PDE4A: variants seen among roughly 807,000 people sequenced by gnomAD.
PDE4A encodes 3',5'-cyclic-AMP phosphodiesterase 4A.
Under a neutral mutation model 73.9 loss-of-function variants are expected in PDE4A, and 21 were observed. The ratio of observed to expected loss-of-function variants is 0.28; its 90% CI spans 0.20 to 0.41. The LOEUF is 0.41. Ranked by LOEUF, PDE4A falls within the 10% of genes least tolerant of loss-of-function variation. The pLI, the probability that PDE4A is intolerant of heterozygous loss-of-function variation, is 1.00. For synonymous variants in PDE4A, 463 were observed against 505.4 expected, an observed-to-expected ratio of 0.92 and a Z score of 1.13; for missense variants, 958 against 1,211.4, an observed-to-expected ratio of 0.79 and a Z score of 3.10.
At chr19:10,430,837 C>T in intron 1 of PDE4A, 3 of 1,153,956 alleles carry the variant, frequency 2.6e-6, no homozygotes, top group Non-Finnish European at 3.2e-6. Context: ...CGGGGCCGCC[C>T]CGCGGCCATG....
upstream of PDE4A, chr19:10,419,186 C>A: frequency 3.4e-6 from 2 of 590,674 alleles, no homozygotes; most frequent in Non-Finnish European, 4.2e-6. Flanking sequence ...GTCCCCGGGT[C>A]CCGCAGCAGA....
At chr19:10,426,737 C>G (rs549727721) in intron 1 of PDE4A, among the ~76,000 whole-genome samples, 9 of 151,426 alleles carry the variant, frequency 5.9e-5, no homozygotes, top group South Asian at 2.1e-4. Flanking sequence ...GCTGGGCGCA[C>G]GCCTGCAATC....
At chr19:10,464,003 G>A in intron 14 of PDE4A, 28 bp downstream of exon 14, 1 of 1,613,232 alleles carries the variant, frequency 6.2e-7, no homozygotes. Context: ...TGATGGACGG[G>A]CACAGGGTGA....
At chr19:10,438,301 C>T (rs898723561) in intron 1 of PDE4A, among the ~76,000 whole-genome samples, 4 of 151,622 alleles carry the variant, frequency 2.6e-5, no homozygotes, top group African/African-American at 7.3e-5. Context: ...TTATTAGAGA[C>T]GGGGTTTCAT....
At chr19:10,417,469 G>A (rs770599269), upstream of PDE4A, 8 of 979,366 alleles carry the variant, frequency 8.2e-6, no homozygotes, top group African/African-American at 1.8e-5. Flanking sequence ...TGGCTGAGAA[G>A]GGGCACTCTC....
intron 10 of PDE4A, 89 bp from the exon 11 acceptor site, chr19:10,460,915 C>T: frequency 2.8e-6 from 4 of 1,408,164 alleles, no homozygotes; most frequent in Non-Finnish European, 3.8e-6. Context: ...CCTCCCATCT[C>T]AGCCTCCTAA....
chr19:10,416,812 C>T (rs1599389540), upstream of PDE4A: 15 of 1,518,858 alleles, frequency 9.9e-6, no homozygotes, highest in South Asian at 4.9e-5. Flanking sequence ...GTGGCGGGGG[C>T]GGGTTCTAGG....
chr19:10,446,901 C>CTTTTTTTCTCTTTTTTTTTTTTTT (rs1939804348), intron 2 of PDE4A, among the ~76,000 whole-genome samples: 5 of 145,426 alleles, frequency 3.4e-5, no homozygotes, highest in African/African-American at 1.0e-4. Flanking sequence ...GCCTCAGTTC[C>CTTTTTTTCTCTTTTTTTTTTTTTT]TTTTTTTTTT....
intron 1 of PDE4A, among the ~76,000 whole-genome samples, chr19:10,429,401 C>G (rs2042759805): frequency 6.6e-6 from 1 of 152,034 alleles, no homozygotes; most frequent in Admixed American, 6.6e-5. Flanking sequence ...TTAGTGGCAC[C>G]TTCATAACTC....
intron 4 of PDE4A, chr19:10,450,371 A>T: frequency 2.4e-6 from 1 of 411,570 alleles, no homozygotes; most frequent in Non-Finnish European, 3.3e-6. Context: ...AAGGCGGATC[A>T]GCCATGTGGT....
At chr19:10,456,037 C>A (rs547717352) in intron 7 of PDE4A, among the ~76,000 whole-genome samples, 1 of 151,042 alleles carries the variant, frequency 6.6e-6, no homozygotes, top group Non-Finnish European at 1.5e-5. Context: ...TGACCCCCCC[C>A]CAATTCAGTA....
chr19:10,461,560 G>T lies in PDE4A; in HGVS notation c.1500G>T (p.Ser500=), dbSNP rs753867199. ...SELALMYNDE[S]VLENHHLAVG... ...TGGCGCTCATGTACAACGATGAGTC[G>T]GTGCTCGAGAATCACCACCTGGCCG... Residue 500 remains serine (S), a synonymous_variant, in exon 12 of 15, where the codon TCG becomes TCT. Coordinates refer to ENST00000380702, the MANE Select transcript of PDE4A (RefSeq NM_001111307.2). 2 of 1,614,174 alleles carry T rather than the reference G, an allele frequency of 1.2e-6. No individual in the cohort carries two copies. The highest frequency in any genetic ancestry group is 2.2e-5 in the East Asian group (1 of 44,884).
At chr19:10,436,216 T>C (rs977127612) in intron 1 of PDE4A, among the ~76,000 whole-genome samples, 2 of 152,098 alleles carry the variant, frequency 1.3e-5, no homozygotes, top group African/African-American at 4.8e-5. Context: ...TCTCAGACAA[T>C]GAAGCCACCA....
chr19:10,430,651 T>TCC (rs1225524949), intron 1 of PDE4A, among the ~76,000 whole-genome samples: 1 of 150,560 alleles, frequency 6.6e-6, no homozygotes, highest in Non-Finnish European at 1.5e-5. Context: ...TGCGGGAGAG[T>TCC]CCCCACCAGA....
At chr19:10,455,264 A>G (rs2145560248) in intron 7 of PDE4A, among the ~76,000 whole-genome samples, 1 of 152,156 alleles carries the variant, frequency 6.6e-6, no homozygotes, top group South Asian at 2.1e-4. Context: ...GCAGTTTGAG[A>G]CCTGCCTGGC....
At chr19:10,444,673 T>TTC (rs1432998744) in intron 1 of PDE4A, among the ~76,000 whole-genome samples, 1 of 149,616 alleles carries the variant, frequency 6.7e-6, no homozygotes, top group Non-Finnish European at 1.5e-5. Flanking sequence ...GTCTGAGATT[T>TTC]TTTTTTTTTT....
chr19:10,421,132 G>A (rs893304339), intron 1 of PDE4A, 48 bp downstream of exon 1: 13 of 1,341,710 alleles, frequency 9.7e-6, no homozygotes, highest in African/African-American at 1.5e-5. Context: ...GGCGCGCAGG[G>A]AGGAGGCAAC....
chr19:10,421,900 T>C (rs569081745), intron 1 of PDE4A, among the ~76,000 whole-genome samples: 2 of 152,324 alleles, frequency 1.3e-5, no homozygotes, highest in East Asian at 3.9e-4. Flanking sequence ...CTCAGTTGTG[T>C]GCTCTGTGTG....
rs1030878008 is a variant in PDE4A at position 10,426,414 on chromosome 19, TTC to T, written c.320+5331_320+5332del. Among the ~76,000 whole-genome samples, 230 of 151,796 alleles carry T rather than the reference TTC, an allele frequency of 1.5e-3. 1 individual carries two copies. Among genetic ancestry groups the T allele is most frequent in the African/African-American group, 5.3e-3 (219 of 41,132 alleles). On this transcript the variant is annotated intron_variant, in intron 1 of 14. Coordinates refer to ENST00000380702, the MANE Select transcript of PDE4A (RefSeq NM_001111307.2). ...TTAAAACAATGAGATTCTTTTTTTT[TTC>T]CCTCTCATTAGCTATTGTTAGTGTT...
Sources: allele counts gnomAD v4.1 joint callset (sites outside exome capture counted in the v4.1 genomes callset), GRCh38; gene constraint gnomAD v4.1.1; transcripts MANE v1.5; gene names NCBI Gene and HGNC (gene_info 2026-07-23, HGNC 2026-07-21).